FSTL5: variants seen among roughly 807,000 people sequenced by gnomAD.
FSTL5 encodes follistatin-related protein 5.
Under a neutral mutation model 89.1 loss-of-function variants are expected in FSTL5, and 62 were observed. That is an observed-to-expected ratio of 0.70 (90% confidence interval 0.57 to 0.86). FSTL5 has a LOEUF of 0.86. FSTL5 is among the 40% of genes least tolerant of loss of function. FSTL5 has a pLI of 0.00. For missense variants in FSTL5, 1,057 were observed against 1,001.6 expected (o/e 1.06, Z -0.75); for synonymous variants, 383 against 346.2 (o/e 1.11, Z -1.18).
intron 15 of FSTL5, among the ~76,000 whole-genome samples, chr4:161,410,951 CA>C (rs764615060): frequency 0.017 from 2,155 of 127,840 alleles, 34 homozygotes; most frequent in East Asian, 0.09. Context: ...GTTGGTTGTT[CA>C]AAAAAAAAAA....
chr4:161,396,728 CTG>C (rs1426348588), intron 15 of FSTL5, among the ~76,000 whole-genome samples: 1 of 91,488 alleles, frequency 1.1e-5, no homozygotes, highest in African/African-American at 3.9e-5. Flanking sequence ...TAAATGAAAA[CTG>C]TAAAAAAAAA....
At chr4:161,474,070 T>G (rs1335632928) in intron 13 of FSTL5, among the ~76,000 whole-genome samples, 1 of 152,200 alleles carries the variant, frequency 6.6e-6, no homozygotes. Context: ...TAGTTATTTT[T>G]TTGTAATGAA....
At chr4:161,693,525 G>C (rs962347952) in intron 6 of FSTL5, among the ~76,000 whole-genome samples, 25 of 149,348 alleles carry the variant, frequency 1.7e-4, no homozygotes, top group Non-Finnish European at 3.6e-4. Flanking sequence ...TTAGAATTTT[G>C]TTTCCTCTTG....
chr4:161,703,319 C>T lies in FSTL5; in HGVS notation c.728-46825G>A, dbSNP rs183190118. On this transcript the variant is annotated intron_variant, in intron 6 of 15. Transcript: ENST00000306100. ...TTCAACCTAAGTCCAAACTTCACCA[C>T]TCATGCCTCTCTCCCTTTAACTTAC... Among the ~76,000 whole-genome samples the T allele has an allele frequency of 2.9e-3, 444 of 152,270 alleles. 3 individuals are homozygous for T. The highest frequency in any genetic ancestry group is 9.3e-3 in the African/African-American group (385 of 41,564).
At chr4:161,410,426 T>C (rs555893105) in intron 15 of FSTL5, among the ~76,000 whole-genome samples, 1 of 152,324 alleles carries the variant, frequency 6.6e-6, no homozygotes, top group African/African-American at 2.4e-5. Context: ...AGTATACATT[T>C]TTCGCATCTG....
intron 6 of FSTL5, among the ~76,000 whole-genome samples, chr4:161,703,056 C>T (rs1423419498): frequency 6.6e-6 from 1 of 151,812 alleles, no homozygotes; most frequent in Non-Finnish European, 1.5e-5. Flanking sequence ...GATATGCACA[C>T]GTAAAGAAAA....
intron 2 of FSTL5, among the ~76,000 whole-genome samples, chr4:162,050,603 T>TA (rs909360406): frequency 8.8e-4 from 132 of 149,264 alleles, no homozygotes; most frequent in African/African-American, 2.9e-3. Flanking sequence ...AAGACTTTAT[T>TA]AAAAAAAAAC....
At chr4:161,838,506 G>C (rs187276108) in intron 4 of FSTL5, among the ~76,000 whole-genome samples, 2 of 151,926 alleles carry the variant, frequency 1.3e-5, no homozygotes, top group South Asian at 4.1e-4. Flanking sequence ...GGATGGTCTC[G>C]ATCTCCTGAC....
intron 5 of FSTL5, among the ~76,000 whole-genome samples, chr4:161,762,418 AGT>A (rs1201957773): frequency 6.6e-6 from 1 of 152,202 alleles, no homozygotes; most frequent in African/African-American, 2.4e-5. Flanking sequence ...TCTTTCATTT[AGT>A]GTTTGACACT....
intron 1 of FSTL5, among the ~76,000 whole-genome samples, chr4:162,162,080 C>T (rs904409472): frequency 6.6e-6 from 1 of 152,052 alleles, no homozygotes; most frequent in African/African-American, 2.4e-5. Context: ...ATGTGAACAA[C>T]TTCAAAAGAT....
intron 3 of FSTL5, among the ~76,000 whole-genome samples, chr4:161,980,101 A>AGAAT (rs1735775523): frequency 6.6e-6 from 1 of 151,336 alleles, no homozygotes; most frequent in African/African-American, 2.4e-5. Context: ...AGAAAAAGAA[A>AGAAT]GAGGAAGGAA....
At chr4:162,138,690 C>T (rs150978124) in intron 1 of FSTL5, among the ~76,000 whole-genome samples, 2 of 151,610 alleles carry the variant, frequency 1.3e-5, no homozygotes, top group Non-Finnish European at 2.9e-5. Context: ...TTAGACAAAC[C>T]CTGTTTATTT....
chr4:161,587,531 T>C lies in FSTL5; in HGVS notation c.939A>G (p.Thr313=). 2.5e-6 allele frequency: 4 copies of C among 1,611,804 alleles called. No homozygotes were observed. The highest frequency in any genetic ancestry group is 3.4e-6 in the Non-Finnish European group (4 of 1,178,170). The change falls in exon 8 of 16, where the codon ACA becomes ACG. Residue 313 remains threonine, a synonymous_variant. Coordinates refer to ENST00000306100, the MANE Select transcript of FSTL5 (RefSeq NM_020116.5). The part of the protein sequence containing the change: ...DGSLYITKVT[T]THVGNYTCYA... Reference sequence around the variant, plus strand: ...AGCAGGTGTAATTGCCAACGTGAGTTGTGGTAACCTTAGTAATATACAAGG... The same window carrying C: ...AGCAGGTGTAATTGCCAACGTGAGTCGTGGTAACCTTAGTAATATACAAGG...
chr4:161,980,745 T>C (rs1255741048), intron 3 of FSTL5, among the ~76,000 whole-genome samples: 2 of 150,688 alleles, frequency 1.3e-5, no homozygotes, highest in African/African-American at 4.9e-5. Flanking sequence ...TGTAACTCAG[T>C]TGTACTTTCT....
At chr4:161,454,928 CT>C (rs1243240828) in intron 15 of FSTL5, 75 bp downstream of exon 15, 2 of 1,390,454 alleles carry the variant, frequency 1.4e-6, no homozygotes, top group African/African-American at 2.9e-5. Flanking sequence ...ATCTAAGTTT[CT>C]TTACGATTTC....
At chr4:162,002,891 T>G (rs923920866) in intron 3 of FSTL5, among the ~76,000 whole-genome samples, 1 of 152,096 alleles carries the variant, frequency 6.6e-6, no homozygotes, top group African/African-American at 2.4e-5. Flanking sequence ...ATGCCTGTAA[T>G]CCCAGCACTT....
chr4:161,916,287 C>T (rs754121951), intron 4 of FSTL5, among the ~76,000 whole-genome samples: 1 of 152,024 alleles, frequency 6.6e-6, no homozygotes, highest in Non-Finnish European at 1.5e-5. Flanking sequence ...GGTTTAAATC[C>T]CTTTTCATTT....
chr4:161,530,511 A>G (rs369974296), intron 10 of FSTL5, among the ~76,000 whole-genome samples: 2 of 103,780 alleles, frequency 1.9e-5, no homozygotes. Context: ...CTATCAAAAT[A>G]TTAATTTTTT....
At chr4:161,648,025 C>A (rs764652536) in intron 7 of FSTL5, among the ~76,000 whole-genome samples, 1 of 151,972 alleles carries the variant, frequency 6.6e-6, no homozygotes, top group Non-Finnish European at 1.5e-5. Flanking sequence ...CCAAATGACC[C>A]GACTCCAGGG....
Sources: gnomAD v4.1 joint callset for allele counts (sites outside exome capture counted in the v4.1 genomes callset) on GRCh38, gnomAD v4.1.1 for gene constraint, MANE v1.5 for transcripts, NCBI Gene and HGNC (gene_info 2026-07-23, HGNC 2026-07-21) for gene names.